Variants in FRMPD4 observed in about 807,000 individuals in gnomAD.
The protein encoded by FRMPD4 is FERM and PDZ domain-containing protein 4.
A neutral mutation model predicts 94.1 loss-of-function variants in FRMPD4; 22 were observed. The ratio of observed to expected loss-of-function variants is 0.23; its 90% CI spans 0.17 to 0.33. The LOEUF is 0.33. Ranked by LOEUF, FRMPD4 falls within the 10% of genes least tolerant of loss-of-function variation. The probability of loss-of-function intolerance (pLI) is 1.00; values close to 1 mark genes in which losing one functional copy is unlikely to be tolerated. For missense variants in FRMPD4, 1,111 were observed against 1,339.9 expected, an observed-to-expected ratio of 0.83 and a Z score of 2.67; for synonymous variants, 631 against 548.6, an observed-to-expected ratio of 1.15 and a Z score of -2.10.
At chrX:12,678,542 A>G (rs1312407702) in intron 5 of FRMPD4, among the ~76,000 whole-genome samples, 1 of 112,461 alleles carries the variant, frequency 8.9e-6, no homozygotes, top group Non-Finnish European at 1.9e-5. Flanking sequence ...AAGAGTTTCT[A>G]CGGCTGGGCA....
chrX:11,971,588 T>C (rs2054340453), intron 3 of FRMPD4, among the ~76,000 whole-genome samples: 1 of 112,451 alleles, frequency 8.9e-6, no homozygotes, highest in South Asian at 3.7e-4. Flanking sequence ...TTTTCCCCCA[T>C]TAGTATGTGC....
intron 2 of FRMPD4, among the ~76,000 whole-genome samples, chrX:12,595,105 C>A (rs2059019200): frequency 8.9e-6 from 1 of 112,152 alleles, no homozygotes; most frequent in African/African-American, 3.2e-5. Flanking sequence ...CAGGGCCTAG[C>A]ACAGTGCCTG....
chrX:11,911,373 G>A (rs760372270), intron 3 of FRMPD4, among the ~76,000 whole-genome samples: 1 of 112,342 alleles, frequency 8.9e-6, no homozygotes, highest in African/African-American at 3.2e-5. Flanking sequence ...TGGAAAGAAA[G>A]ATGAAAGAGG....
chrX:11,952,784 C>G (rs1451282537), intron 3 of FRMPD4, among the ~76,000 whole-genome samples: 1 of 111,738 alleles, frequency 8.9e-6, no homozygotes, highest in African/African-American at 3.3e-5. Context: ...GACTTTTGGG[C>G]CAAGGATGGC....
intron 1 of FRMPD4, among the ~76,000 whole-genome samples, chrX:12,162,289 CAATT>C (rs1263296405): frequency 8.9e-6 from 1 of 112,185 alleles, no homozygotes; most frequent in African/African-American, 3.2e-5. Context: ...ATGTACCACT[CAATT>C]AATTGAGATG....
intron 3 of FRMPD4, among the ~76,000 whole-genome samples, chrX:12,081,150 T>G (rs1254967883): frequency 1.8e-5 from 2 of 112,182 alleles, no homozygotes; most frequent in Non-Finnish European, 3.8e-5. Context: ...GCCCCTCATA[T>G]GCTAAGACCA....
At chrX:12,256,440 T>C (rs753141221) in intron 1 of FRMPD4, among the ~76,000 whole-genome samples, 24 of 112,294 alleles carry the variant, frequency 2.1e-4, no homozygotes, top group African/African-American at 7.4e-4. Flanking sequence ...AGACTTATGT[T>C]AACCATCCTC....
At chrX:12,170,736 C>T (rs2147646990) in intron 1 of FRMPD4, among the ~76,000 whole-genome samples, 1 of 112,607 alleles carries the variant, frequency 8.9e-6, no homozygotes, top group Admixed American at 9.4e-5. Context: ...AGCAGCTTGG[C>T]TCTGGGGCCT....
intron 3 of FRMPD4, among the ~76,000 whole-genome samples, chrX:11,893,350 C>T (rs187119044): frequency 8.9e-6 from 1 of 112,046 alleles, no homozygotes; most frequent in Admixed American, 9.5e-5. Flanking sequence ...CAGAATAGCA[C>T]TGCTGTTAAG....
chrX:11,851,748 A>G (rs1188954571), intron 1 of FRMPD4, among the ~76,000 whole-genome samples: 6 of 111,474 alleles, frequency 5.4e-5, no homozygotes, highest in African/African-American at 2.0e-4. Context: ...ATTTCTTTCT[A>G]TAAGGTTTCT....
Position 11,935,269 on chromosome X carries a change from G to GTTTTTTTTTTTTTTTT in FRMPD4, c.95+57263_95+57278dup, listed in dbSNP as rs1234166611. Among the ~76,000 whole-genome samples, 4 of 5,010 alleles carry GTTTTTTTTTTTTTTTT rather than the reference G, an allele frequency of 8.0e-4. 1 individual carries two copies. Among genetic ancestry groups the GTTTTTTTTTTTTTTTT allele is most frequent in the Non-Finnish European group, 1.4e-3 (4 of 2,948 alleles). The allele number at this position is 5,010 out of a possible 115,157, so 4.4% of individuals were successfully genotyped here. A position where few individuals can be genotyped will look rare whatever the true frequency, so the allele number is the denominator to read the frequency against. On this transcript the variant is annotated intron_variant, in intron 3 of 18. Coordinates refer to the FRMPD4 transcript ENST00000640291. ...TTGTTGTTTTTTTTTTTTTTAATGT[G>GTTTTTTTTTTTTTTTT]TTTTTTTTTTTTTTTTTTTTTTTTT...
intron 1 of FRMPD4, among the ~76,000 whole-genome samples, chrX:12,294,936 T>TA (rs1029519297): frequency 6.2e-5 from 7 of 112,078 alleles, no homozygotes; most frequent in African/African-American, 2.3e-4. Context: ...GATTCAAGTA[T>TA]AAAAAAATGT....
rs970597828 is a variant in FRMPD4 at position 12,042,634 on chromosome X, C to T, written c.95+164616C>T. ...TAAAATTCAAGCAGTTTTACGTCTA[C>T]CTCGGCTTTTACTCTCCACTGGGCC... On this transcript the variant is annotated intron_variant, in intron 3 of 18. Coordinates refer to the FRMPD4 transcript ENST00000640291. Among the ~76,000 whole-genome samples, 5 of 111,358 alleles carry T rather than the reference C, an allele frequency of 4.5e-5. No homozygotes were observed. The East Asian group carries it at 1.4e-3, about 31-fold the overall frequency.
At chrX:11,833,838 G>A (rs921946145) in intron 1 of FRMPD4, among the ~76,000 whole-genome samples, 7 of 111,417 alleles carry the variant, frequency 6.3e-5, no homozygotes, top group Non-Finnish European at 9.4e-5. Context: ...ACTGCAGATC[G>A]GGCTCACTTA....
intron 1 of FRMPD4, among the ~76,000 whole-genome samples, chrX:12,358,577 A>G (rs2055931219): frequency 9.0e-6 from 1 of 111,408 alleles, no homozygotes; most frequent in South Asian, 3.8e-4. Context: ...AGACCCCCCA[A>G]AATCTCAGTT....
chrX:12,312,906 A>G (rs2055057820), intron 1 of FRMPD4, among the ~76,000 whole-genome samples: 1 of 111,216 alleles, frequency 9.0e-6, no homozygotes, highest in Non-Finnish European at 1.9e-5. Flanking sequence ...GTACGCACCC[A>G]TGCTGCAATG....
In FRMPD4 at chrX:12,718,843, C is replaced by G. The variant is rs1036749573; in HGVS notation, c.3964+53C>G. 7.8e-6 allele frequency: 6 copies of G among 764,476 alleles called. No homozygotes were observed. The Admixed American group carries it at 1.4e-4, about 18-fold the overall frequency. 63.0% of individuals were successfully genotyped at this position (764,476 alleles called of 1,213,427 possible). A position where few individuals can be genotyped will look rare whatever the true frequency, so the allele number is the denominator to read the frequency against. Reference sequence around the variant, plus strand: ...GTATGACATGCCAAGAGCATGTAAACCATATTTACAACAAACTTAAAAACG... The same window carrying G: ...GTATGACATGCCAAGAGCATGTAAAGCATATTTACAACAAACTTAAAAACG... On this transcript the variant is annotated intron_variant, in intron 16 of 16. Transcript: ENST00000675598.
chrX:12,610,135 T>TAACTTATGA (rs1291783052), intron 3 of FRMPD4, among the ~76,000 whole-genome samples: 1 of 112,195 alleles, frequency 8.9e-6, no homozygotes, highest in East Asian at 2.8e-4. Context: ...AATCACTTCT[T>TAACTTATGA]AACTTATGAA....
intron 1 of FRMPD4, among the ~76,000 whole-genome samples, chrX:12,169,308 G>A (rs752218624): frequency 2.1e-4 from 24 of 111,957 alleles, no homozygotes; most frequent in Non-Finnish European, 4.3e-4. Flanking sequence ...AGCAAGAAAG[G>A]TGTTGGTTTA....
Sources: allele counts gnomAD v4.1 joint callset (sites outside exome capture counted in the v4.1 genomes callset), GRCh38; gene constraint gnomAD v4.1.1; transcripts MANE v1.5; gene names NCBI Gene and HGNC (gene_info 2026-07-23, HGNC 2026-07-21).